Variants in DST observed in about 807,000 individuals in gnomAD.
DST encodes dystonin, also known as bullous pemphigoid antigen.
A neutral mutation model predicts 875.2 loss-of-function variants in DST; 253 were observed. The ratio of observed to expected loss-of-function variants is 0.29; its 90% CI spans 0.26 to 0.32. The LOEUF (loss-of-function observed/expected upper bound fraction) is 0.32. DST is among the 10% of genes least tolerant of loss of function. DST has a pLI of 1.00. For missense variants in DST, 8,287 were observed against 9,111.6 expected (o/e 0.91, Z 3.68); for synonymous variants, 3,124 against 3,197.1 (o/e 0.98, Z 0.77).
chr6:56,507,341 A>T (rs754583392), intron 75 of DST, among the ~76,000 whole-genome samples: 2 of 152,190 alleles, frequency 1.3e-5, no homozygotes, highest in African/African-American at 4.8e-5. Flanking sequence ...ACAAACACTG[A>T]ATAACCATAA....
intron 3 of DST, among the ~76,000 whole-genome samples, chr6:56,878,554 G>A (rs1355334509): frequency 6.6e-6 from 1 of 152,172 alleles, no homozygotes; most frequent in East Asian, 1.9e-4. Context: ...CAGATGGGGT[G>A]AAGCATCAGA....
chr6:56,704,203 C>T (rs1025055862), intron 6 of DST, 77 bp downstream of exon 6: 34 of 707,602 alleles, frequency 4.8e-5, no homozygotes, highest in Non-Finnish European at 7.1e-5. Context: ...TCTGAATAGT[C>T]TGTACTGAAA....
intron 3 of DST, among the ~76,000 whole-genome samples, chr6:56,888,625 A>G (rs1385688605): frequency 1.3e-5 from 2 of 152,218 alleles, no homozygotes; most frequent in African/African-American, 4.8e-5. Context: ...AGGAACACAG[A>G]AACACCCTGC....
chr6:56,727,310 T>TA (rs2099465792), intron 5 of DST, among the ~76,000 whole-genome samples: 1 of 152,168 alleles, frequency 6.6e-6, no homozygotes, highest in Non-Finnish European at 1.5e-5. Flanking sequence ...GCATAAAACC[T>TA]AGCTGTGCCC....
chr6:56,660,077 G>C (rs889915767), intron 10 of DST, among the ~76,000 whole-genome samples: 3 of 152,194 alleles, frequency 2.0e-5, no homozygotes, highest in Non-Finnish European at 4.4e-5. Context: ...AAGGTGGTGG[G>C]AGGAGGTGCT....
intron 4 of DST, among the ~76,000 whole-genome samples, chr6:56,739,320 A>G (rs2152934809): frequency 6.6e-6 from 1 of 152,192 alleles, no homozygotes; most frequent in East Asian, 1.9e-4. Context: ...ATTCCTAGAC[A>G]GTTCAAAATG....
intron 9 of DST, among the ~76,000 whole-genome samples, chr6:56,680,381 A>G (rs1273456568): frequency 6.6e-6 from 1 of 152,090 alleles, no homozygotes; most frequent in East Asian, 1.9e-4. Flanking sequence ...ATCATCTATC[A>G]CCTCTTCCTT....
At chr6:56,580,050 G>A (rs1257604773) in intron 49 of DST, among the ~76,000 whole-genome samples, 1 of 152,156 alleles carries the variant, frequency 6.6e-6, no homozygotes, top group Non-Finnish European at 1.5e-5. Flanking sequence ...AGTTAGAGTT[G>A]GGAAGAGTCC....
Position 56,569,926 on chromosome 6 carries a change from G to C in DST, c.13808C>G (p.Thr4603Arg), listed in dbSNP as rs1169811553. The C allele has an allele frequency of 6.2e-7, 1 of 1,611,234 alleles. No homozygotes were observed. The change falls in exon 54 of 104, where the codon ACA becomes AGA. Residue 4603 changes from threonine (T) to arginine (R), a missense_variant. Around this residue, in one of 10 missense-constraint regions of DST, gnomAD observed 1,513 missense variants for 1,677.8 expected, o/e 0.90. Coordinates refer to ENST00000680361, the MANE Select transcript of DST (RefSeq NM_001374736.1). ...AGGCTGTACAATGGGAACTTTTTTT[G>C]TTGTTTCTTTTATCCATGACTTCAA... Reference protein sequence around the residue: ...KSLKSWIKETTKKVPIVQPSF... With the variant: ...KSLKSWIKETRKKVPIVQPSF...
At chr6:56,819,566 A>C (rs746598197) in intron 4 of DST, among the ~76,000 whole-genome samples, 1 of 152,210 alleles carries the variant, frequency 6.6e-6, no homozygotes, top group Non-Finnish European at 1.5e-5. Flanking sequence ...TAATAACAAA[A>C]TGTCTCTAAC....
chr6:56,516,059 TAC>T (rs950567611), intron 71 of DST, among the ~76,000 whole-genome samples: 4 of 151,736 alleles, frequency 2.6e-5, no homozygotes, highest in African/African-American at 4.8e-5. Flanking sequence ...ATTATATATA[TAC>T]ACACACACAT....
At chr6:56,764,453 T>C (rs2099627494) in intron 4 of DST, among the ~76,000 whole-genome samples, 1 of 152,152 alleles carries the variant, frequency 6.6e-6, no homozygotes, top group Admixed American at 6.6e-5. Flanking sequence ...ACTAGTAGCC[T>C]GGGATCCCCT....
chr6:56,951,763 C>A (rs1822453481), intron 2 of DST, among the ~76,000 whole-genome samples: 1 of 152,086 alleles, frequency 6.6e-6, no homozygotes, highest in African/African-American at 2.4e-5. Flanking sequence ...GAAAAAAATT[C>A]AAACCGAATC....
At chr6:56,583,170 C>T (rs1410384431) in intron 49 of DST, among the ~76,000 whole-genome samples, 2 of 152,210 alleles carry the variant, frequency 1.3e-5, no homozygotes. Flanking sequence ...GGAATTGCCA[C>T]ACTGACTTCC....
chr6:56,645,894 C>G lies in DST; in HGVS notation c.1750G>C (p.Glu584Gln). 6.2e-7 allele frequency: 1 copy of G among 1,613,832 alleles called. No individual in the cohort carries two copies. Residue 584 changes from glutamate to glutamine, a missense_variant, in exon 15 of 104, where the codon GAG (glutamate) becomes CAG (glutamine). By Grantham distance (29) the Glu-to-Gln change is conservative. Around this residue, in one of 10 missense-constraint regions of DST, gnomAD observed 1,160 missense variants for 1,424.3 expected, o/e 0.81. Coordinates refer to ENST00000680361, the MANE Select transcript of DST (RefSeq NM_001374736.1). ...GKLIIAMLER[E>Q]KALRPEVERL... ...TCTACTTCTGGACGAAGGGCCTTCT[C>G]TCTCTCTAGCATGGCAATAATGAGT...
chr6:56,922,294 C>T (rs1235701698), intron 2 of DST, among the ~76,000 whole-genome samples: 2 of 152,134 alleles, frequency 1.3e-5, no homozygotes, highest in South Asian at 2.1e-4. Flanking sequence ...GAGCTGCAGC[C>T]GCCCTTCGTT....
At chr6:56,793,928 G>T (rs1399946047) in intron 4 of DST, among the ~76,000 whole-genome samples, 1 of 152,052 alleles carries the variant, frequency 6.6e-6, no homozygotes, top group African/African-American at 2.4e-5. Flanking sequence ...CCAAGAAAAT[G>T]GTATTTTAAA....
chr6:56,630,477 A>G, intron 30 of DST, 94 bp from the exon 31 acceptor site: 1 of 1,094,170 alleles, frequency 9.1e-7, no homozygotes, highest in Non-Finnish European at 1.4e-6. Flanking sequence ...ATGACATAAC[A>G]TGTTCTTCAC....
chr6:56,501,649 T>C lies in DST; in HGVS notation c.19611A>G (p.Arg6537=). ...GCAAAAGCTCTGCTTGATGATTCAG[T>C]CTTTCCATTTCTATCTGCTGTTGAT... ...EAYQQQIEME[R]LNHQAELLLK... The change falls in exon 79 of 104, where the codon AGA becomes AGG. Residue 6537 remains arginine, a synonymous_variant. Transcript: ENST00000680361. 1 of 1,608,456 alleles carries C rather than the reference T, an allele frequency of 6.2e-7. No individual in the cohort carries two copies. The highest frequency in any genetic ancestry group is 8.5e-7 in the Non-Finnish European group (1 of 1,177,838).
Sources: gnomAD v4.1 joint callset for allele counts (sites outside exome capture counted in the v4.1 genomes callset) on GRCh38, gnomAD v4.1.1 for gene constraint, gnomAD v4.1.1 regional missense constraint, MANE v1.5 for transcripts, NCBI Gene and HGNC (gene_info 2026-07-23, HGNC 2026-07-21) for gene names.